The following MYO18B variants were observed in gnomAD, a reference collection of about 807,000 sequenced individuals.
The protein encoded by MYO18B is myosin XVIIIB, also known as unconventional myosin-XVIIIb.
MYO18B carries 204 observed loss-of-function variants against 273.0 expected under a neutral mutation model. That is an observed-to-expected ratio of 0.75 (90% CI 0.67 to 0.84). MYO18B has a LOEUF of 0.84. MYO18B is among the 40% of genes least tolerant of loss of function. The probability of loss-of-function intolerance (pLI) is 0.00; values close to 1 mark genes in which losing one functional copy is unlikely to be tolerated. For synonymous variants in MYO18B, 1,330 were observed against 1,305.7 expected (o/e 1.02, Z -0.40); for missense variants, 3,212 against 3,287.6 (o/e 0.98, Z 0.56).
In MYO18B at chr22:26,027,302, A is replaced by C; in HGVS notation, c.7328A>C (p.Asp2443Ala). 1 of 1,613,986 alleles carries C rather than the reference A, an allele frequency of 6.2e-7. No homozygotes were observed. The highest frequency in any genetic ancestry group is 8.5e-7 in the Non-Finnish European group (1 of 1,179,868). Residue 2443 changes from aspartate (D) to alanine (A), a missense_variant, in exon 43 of 44, where the codon GAC becomes GCC. Transcript: ENST00000335473. The surrounding 1 kb of genome is among the most constrained non-coding windows in gnomAD (Gnocchi z 4.1). ...CGCAAGACCAAAGTGGACTTCGATGACTTCCTCCCAGCTATCCGGAAGCCC... is the reference window on the plus strand; with the variant it reads ...CGCAAGACCAAAGTGGACTTCGATGCCTTCCTCCCAGCTATCCGGAAGCCC... Reference protein sequence around the residue: ...YERKTKVDFDDFLPAIRKPQT... With the variant: ...YERKTKVDFDAFLPAIRKPQT...
At chr22:26,063,178 A>T in the MYO18B span, among the ~76,000 whole-genome samples, 1 of 152,200 alleles carries the variant, frequency 6.6e-6, no homozygotes, top group Non-Finnish European at 1.5e-5. Flanking sequence ...GTTGACTTGA[A>T]TGATATTCAG....
chr22:25,771,657 G>T (rs980152941), intron 6 of MYO18B, among the ~76,000 whole-genome samples: 13 of 151,950 alleles, frequency 8.6e-5, no homozygotes, highest in African/African-American at 2.7e-4. Flanking sequence ...CTCCCGCGTT[G>T]GGCATTTACA....
At chr22:25,931,566 G>A (rs1214099586) in intron 34 of MYO18B, among the ~76,000 whole-genome samples, 2 of 152,148 alleles carry the variant, frequency 1.3e-5, no homozygotes, top group Non-Finnish European at 2.9e-5. Context: ...GTGGGAGTGT[G>A]ACTGTATACA....
the MYO18B span, among the ~76,000 whole-genome samples, chr22:26,050,389 C>T: frequency 6.6e-6 from 1 of 152,186 alleles, no homozygotes; most frequent in African/African-American, 2.4e-5. Flanking sequence ...CAGAAGTGTT[C>T]TCAGAGTTCA....
chr22:25,777,742 C>G lies in MYO18B; in HGVS notation c.2029C>G (p.Leu677Val), dbSNP rs1212011829. 1 of 1,607,694 alleles carries G rather than the reference C, an allele frequency of 6.2e-7. No homozygotes were observed. The highest frequency in any genetic ancestry group is 1.7e-4 in the Middle Eastern group (1 of 6,022). ...CTGCTGTGAGCAGGTCCTGGAACAC[C>G]TGGTGGGGATGGCAGGCAGTGTGGA... is the stretch of plus-strand genomic sequence containing the variant. Reference protein sequence around the residue: ...TTCCEQVLEHLVGMAGSVDGR... With the variant: ...TTCCEQVLEHVVGMAGSVDGR... Residue 677 changes from leucine (L) to valine (V), a missense_variant, in exon 8 of 44, where the codon CTG (leucine) becomes GTG (valine). By Grantham distance (32) the Leu-to-Val change is conservative (BLOSUM62 1). Coordinates refer to ENST00000335473, the MANE Select transcript of MYO18B (RefSeq NM_032608.7).
intron 28 of MYO18B, 200 bp downstream of exon 28, chr22:25,895,480 C>A: frequency 1.7e-6 from 1 of 577,192 alleles, no homozygotes. Flanking sequence ...ACATGTGGAT[C>A]TTCTATCCAG....
intron 42 of MYO18B, among the ~76,000 whole-genome samples, chr22:26,022,189 G>A (rs1234275328): frequency 6.7e-6 from 1 of 149,790 alleles, no homozygotes; most frequent in African/African-American, 2.5e-5. Flanking sequence ...ACGGTAACAT[G>A]TTGATTATCT....
chr22:25,941,131 A>T (rs1197617772), intron 34 of MYO18B, among the ~76,000 whole-genome samples: 1 of 152,230 alleles, frequency 6.6e-6, no homozygotes, highest in African/African-American at 2.4e-5. Flanking sequence ...GAAGAGAAAC[A>T]AAAATCTAAT....
intron 1 of MYO18B, among the ~76,000 whole-genome samples, chr22:25,755,005 A>G (rs112677738): frequency 6.6e-6 from 1 of 152,164 alleles, no homozygotes; most frequent in African/African-American, 2.4e-5. Context: ...AGTGGCGGCC[A>G]AGGCAGCCAC....
intron 39 of MYO18B, among the ~76,000 whole-genome samples, chr22:25,977,283 T>C (rs2146767925): frequency 7.5e-6 from 1 of 132,956 alleles, no homozygotes; most frequent in South Asian, 2.4e-4. Flanking sequence ...ATTTTCCAAC[T>C]CCTGTATTTG....
chr22:25,824,149 G>A (rs917561718), intron 13 of MYO18B, among the ~76,000 whole-genome samples: 82 of 152,206 alleles, frequency 5.4e-4, no homozygotes, highest in African/African-American at 1.9e-3. Flanking sequence ...CAGGCCCTTG[G>A]GAAGCCGTGG....
chr22:26,029,005 T>C (rs552532102), intron 43 of MYO18B, among the ~76,000 whole-genome samples: 1 of 152,318 alleles, frequency 6.6e-6, no homozygotes, highest in Admixed American at 6.5e-5. Context: ...TGTTATTTAT[T>C]CCCATTTACC....
chr22:25,867,642 T>TC (rs58399046), intron 21 of MYO18B, among the ~76,000 whole-genome samples: 3 of 150,956 alleles, frequency 2.0e-5, no homozygotes, highest in African/African-American at 7.3e-5. Context: ...TTTCTTTCTT[T>TC]TTTTTGAGAC....
chr22:25,823,746 C>A, intron 13 of MYO18B, 68 bp downstream of exon 13: 1 of 1,509,082 alleles, frequency 6.6e-7, no homozygotes. Context: ...GATACACCAG[C>A]ATTCTTTAAC....
intron 10 of MYO18B, 142 bp downstream of exon 10, chr22:25,781,976 G>A (rs1164734503): frequency 5.3e-6 from 3 of 563,928 alleles, no homozygotes; most frequent in Admixed American, 3.9e-5. Context: ...GATTCCAGCT[G>A]TCTGGGTACA....
At chr22:25,875,522 A>T (rs1393920246) in intron 23 of MYO18B, among the ~76,000 whole-genome samples, 1 of 151,942 alleles carries the variant, frequency 6.6e-6, no homozygotes, top group Non-Finnish European at 1.5e-5. Context: ...CCCAGTGATA[A>T]GAATGAAGCG....
At chr22:25,955,128 A>T (rs2092833847) in intron 38 of MYO18B, 51 bp from the exon 39 acceptor site, 1 of 1,491,508 alleles carries the variant, frequency 6.7e-7, no homozygotes, top group African/African-American at 1.4e-5. Context: ...CCCTTGTTTC[A>T]TACCCCTGGC....
chr22:25,951,822 C>T (rs2092795786), intron 37 of MYO18B, among the ~76,000 whole-genome samples: 1 of 152,170 alleles, frequency 6.6e-6, no homozygotes, highest in Non-Finnish European at 1.5e-5. Context: ...CTAATCTCCT[C>T]TAATCCTCAC....
At chr22:25,793,710 C>T (rs1313857639) in intron 11 of MYO18B, among the ~76,000 whole-genome samples, 1 of 152,198 alleles carries the variant, frequency 6.6e-6, no homozygotes, top group Non-Finnish European at 1.5e-5. Context: ...TAAGCCCAGC[C>T]TGGTTTAATG....
Sources: gnomAD v4.1 joint callset for allele counts (sites outside exome capture counted in the v4.1 genomes callset) on GRCh38, gnomAD v4.1.1 for gene constraint, Gnocchi (gnomAD v3.1) non-coding constraint, MANE v1.5 for transcripts, NCBI Gene and HGNC (gene_info 2026-07-23, HGNC 2026-07-21) for gene names.